PARP8: variants seen among roughly 807,000 people sequenced by gnomAD.
The protein encoded by PARP8 is protein mono-ADP-ribosyltransferase PARP8.
A neutral mutation model predicts 124.1 loss-of-function variants in PARP8; 51 were observed. The ratio of observed to expected loss-of-function variants is 0.41; its 90% CI spans 0.33 to 0.52. The LOEUF (loss-of-function observed/expected upper bound fraction) is 0.52. Among genes scored for constraint, PARP8 ranks in the 20% least tolerant of loss-of-function variants. The pLI is 0.21. For missense variants in PARP8, 860 were observed against 1,018.9 expected (o/e 0.84, Z 2.12); for synonymous variants, 391 against 361.5 (o/e 1.08, Z -0.93).
In PARP8 at chr5:50,842,041, A is replaced by G. The variant is rs1306313007; in HGVS notation, c.2538A>G (p.Val846=). The change falls in exon 26 of 26, where the codon GTA becomes GTG. Residue 846 remains valine, a synonymous_variant. Coordinates refer to ENST00000281631, the MANE Select transcript of PARP8 (RefSeq NM_024615.4). ...GCATTCACAAAGAGATCCTCCGAGT[A>G]ATTGGTAATCAAACTGCTACTGGTT... ...EGGIHKEILR[V]IGNQTATG is the part of the protein sequence containing the mutation. 1 of 1,604,844 alleles carries G rather than the reference A, an allele frequency of 6.2e-7. No homozygotes were observed. The highest frequency in any genetic ancestry group is 1.1e-5 in the South Asian group (1 of 90,164).
intron 14 of PARP8, among the ~76,000 whole-genome samples, chr5:50,805,250 A>T (rs529749947): frequency 6.6e-6 from 1 of 152,154 alleles, no homozygotes; most frequent in Non-Finnish European, 1.5e-5. Context: ...AATAAAATAT[A>T]GATAAATATG....
intron 2 of PARP8, among the ~76,000 whole-genome samples, chr5:50,701,685 T>C (rs1290331524): frequency 6.6e-6 from 1 of 152,156 alleles, no homozygotes; most frequent in Non-Finnish European, 1.5e-5. Context: ...AAATAATGTG[T>C]TGATTAATAT....
intron 2 of PARP8, among the ~76,000 whole-genome samples, chr5:50,739,953 C>G (rs1580160406): frequency 6.6e-6 from 1 of 151,456 alleles, no homozygotes; most frequent in Non-Finnish European, 1.5e-5. Flanking sequence ...GTTTCACCAT[C>G]TTGGCCAGGC....
At chr5:50,669,920 C>T (rs181218910) in intron 2 of PARP8, among the ~76,000 whole-genome samples, 164 of 152,234 alleles carry the variant, frequency 1.1e-3, no homozygotes, top group African/African-American at 3.6e-3. Flanking sequence ...TGTAGACCAG[C>T]CTGTTAAAAG....
chr5:50,771,894 T>A (rs1225318227), intron 7 of PARP8, among the ~76,000 whole-genome samples: 1 of 152,202 alleles, frequency 6.6e-6, no homozygotes, highest in Non-Finnish European at 1.5e-5. Context: ...TCTGGTTAAT[T>A]TGAAATATAT....
intron 2 of PARP8, among the ~76,000 whole-genome samples, chr5:50,678,244 T>C (rs1372218018): frequency 6.6e-6 from 1 of 152,208 alleles, no homozygotes; most frequent in Non-Finnish European, 1.5e-5. Context: ...TATTTAATAA[T>C]GCTGCTGCAG....
At chr5:50,733,542 A>G (rs1430787154) in intron 2 of PARP8, among the ~76,000 whole-genome samples, 1 of 152,174 alleles carries the variant, frequency 6.6e-6, no homozygotes, top group Non-Finnish European at 1.5e-5. Context: ...TAAATTATCA[A>G]TTTTTGAAAA....
chr5:50,767,253 A>G (rs1475120852), intron 7 of PARP8, among the ~76,000 whole-genome samples: 2 of 152,178 alleles, frequency 1.3e-5, no homozygotes, highest in African/African-American at 4.8e-5. Flanking sequence ...TTATTACCAC[A>G]ACATACCTCA....
At chr5:50,751,748 T>G (rs1022388331) in intron 3 of PARP8, among the ~76,000 whole-genome samples, 1 of 152,124 alleles carries the variant, frequency 6.6e-6, no homozygotes, top group Non-Finnish European at 1.5e-5. Context: ...TGTAGTTTGG[T>G]GATAAAATCA....
rs147705325 is a variant in PARP8, at chr5:50,835,404, G to A, written c.2462+389G>A. Among the ~76,000 whole-genome samples the A allele has an allele frequency of 7.5e-3, 1,137 of 152,202 alleles. 14 individuals are homozygous for A. Among genetic ancestry groups the A allele is most frequent in the African/African-American group, 0.026 (1,066 of 41,542 alleles). ...CTAAAAATACAAAAATTAGCTGGGCGCGGTGGTGCATGCCTGTAGTCCCAG... is the reference window on the plus strand; with the variant it reads ...CTAAAAATACAAAAATTAGCTGGGCACGGTGGTGCATGCCTGTAGTCCCAG... On this transcript the variant is annotated intron_variant, in intron 25 of 25. Coordinates refer to ENST00000281631, the MANE Select transcript of PARP8 (RefSeq NM_024615.4).
intron 2 of PARP8, among the ~76,000 whole-genome samples, chr5:50,670,478 T>A (rs1579888920): frequency 1.3e-5 from 2 of 152,370 alleles, no homozygotes; most frequent in East Asian, 3.9e-4. Flanking sequence ...AAAAAAATAA[T>A]AATTTTGTTC....
chr5:50,674,955 A>G (rs1360453865), intron 2 of PARP8, among the ~76,000 whole-genome samples: 1 of 152,244 alleles, frequency 6.6e-6, no homozygotes, highest in Non-Finnish European at 1.5e-5. Context: ...TAGGATGAGA[A>G]TGTAAATAGA....
At chr5:50,697,354 A>T (rs1436616580) in intron 2 of PARP8, among the ~76,000 whole-genome samples, 1 of 152,232 alleles carries the variant, frequency 6.6e-6, no homozygotes, top group East Asian at 1.9e-4. Context: ...AATGAATAGA[A>T]TCCCAGAATC....
intron 2 of PARP8, among the ~76,000 whole-genome samples, chr5:50,743,823 C>T (rs182750405): frequency 6.6e-5 from 10 of 152,164 alleles, no homozygotes; most frequent in East Asian, 1.9e-4. Context: ...TAAGCATCTT[C>T]GCTAGGGTAG....
chr5:50,815,009 G>GA (rs1178936533), intron 14 of PARP8, among the ~76,000 whole-genome samples: 1 of 151,742 alleles, frequency 6.6e-6, no homozygotes, highest in Non-Finnish European at 1.5e-5. Flanking sequence ...AATTTCCCAG[G>GA]AAAAAGTGGA....
At chr5:50,667,546 G>A in intron 1 of PARP8, 1 of 697,246 alleles carries the variant, frequency 1.4e-6, no homozygotes, top group South Asian at 1.5e-5. Context: ...GTTGGTTTGC[G>A]CAATGGGCTG....
intron 2 of PARP8, among the ~76,000 whole-genome samples, chr5:50,706,831 T>A (rs1341672582): frequency 6.6e-6 from 1 of 152,102 alleles, no homozygotes; most frequent in East Asian, 1.9e-4. Flanking sequence ...AGATACCTTT[T>A]ACCAGAGTGC....
chr5:50,706,971 A>T (rs1174966267), intron 2 of PARP8, among the ~76,000 whole-genome samples: 1 of 152,070 alleles, frequency 6.6e-6, no homozygotes, highest in Non-Finnish European at 1.5e-5. Context: ...TATCTTGCTT[A>T]TGGAAATCAT....
chr5:50,818,118 A>G (rs1377154631), intron 15 of PARP8, among the ~76,000 whole-genome samples: 1 of 152,018 alleles, frequency 6.6e-6, no homozygotes, highest in Non-Finnish European at 1.5e-5. Context: ...ATATATACTA[A>G]GATTCTATTT....
Sources: gnomAD v4.1 joint callset for allele counts (sites outside exome capture counted in the v4.1 genomes callset) on GRCh38, gnomAD v4.1.1 for gene constraint, MANE v1.5 for transcripts, NCBI Gene and HGNC (gene_info 2026-07-23, HGNC 2026-07-21) for gene names.